The following RASA2 variants were observed in gnomAD, a reference collection of about 807,000 sequenced individuals.
RASA2 encodes ras GTPase-activating protein 2.
RASA2 carries 155 observed loss-of-function variants against 118.2 expected under a neutral mutation model. That is an observed-to-expected ratio of 1.31 (90% confidence interval 1.15 to 1.50). The LOEUF (loss-of-function observed/expected upper bound fraction) is 1.50. Among genes scored for constraint, RASA2 ranks in the 40% most tolerant of loss-of-function variants. The pLI, the probability that RASA2 is intolerant of heterozygous loss-of-function variation, is 0.00. For missense variants in RASA2, 1,016 were observed against 1,009.6 expected, an observed-to-expected ratio of 1.01 and a Z score of -0.09; for synonymous variants, 353 against 349.1, an observed-to-expected ratio of 1.01 and a Z score of -0.12.
chr3:141,563,750 T>G (rs894623294), intron 9 of RASA2, among the ~76,000 whole-genome samples: 14 of 152,212 alleles, frequency 9.2e-5, no homozygotes, highest in African/African-American at 3.4e-4. Context: ...CCAAACTGTT[T>G]GACCCCAAAG....
At chr3:141,531,412 A>G (rs2082257199) in intron 4 of RASA2, among the ~76,000 whole-genome samples, 1 of 151,612 alleles carries the variant, frequency 6.6e-6, no homozygotes, top group South Asian at 2.1e-4. Flanking sequence ...GTGTGTGTGT[A>G]TATATATGTG....
chr3:141,568,282 C>T (rs780424156), intron 9 of RASA2, among the ~76,000 whole-genome samples: 8 of 151,912 alleles, frequency 5.3e-5, no homozygotes, highest in Admixed American at 5.2e-4. Context: ...AAACAAGATA[C>T]AGGAGAGTAG....
intron 14 of RASA2, 85 bp from the exon 15 acceptor site, chr3:141,576,915 A>T: frequency 1.2e-6 from 1 of 829,724 alleles, no homozygotes; most frequent in Non-Finnish European, 1.9e-6. Context: ...CTCCTAGTTT[A>T]CATGTCTTTT....
At chr3:141,554,135 G>T (rs2082613917) in intron 6 of RASA2, among the ~76,000 whole-genome samples, 195 bp downstream of exon 6, 1 of 152,076 alleles carries the variant, frequency 6.6e-6, no homozygotes. Context: ...GACAGAAATT[G>T]GTACCCCATT....
At chr3:141,603,594 T>G (rs974556108) in intron 19 of RASA2, among the ~76,000 whole-genome samples, 2 of 151,982 alleles carry the variant, frequency 1.3e-5, no homozygotes, top group African/African-American at 4.8e-5. Flanking sequence ...AAAATAAAAT[T>G]TAGATATAAT....
At chr3:141,506,982 T>G (rs997483840) in intron 1 of RASA2, among the ~76,000 whole-genome samples, 1 of 151,754 alleles carries the variant, frequency 6.6e-6, no homozygotes, top group African/African-American at 2.4e-5. Flanking sequence ...ATATGAATAC[T>G]GTATTATTGA....
chr3:141,606,200 C>T (rs1374638365), intron 19 of RASA2, among the ~76,000 whole-genome samples: 1 of 152,180 alleles, frequency 6.6e-6, no homozygotes, highest in East Asian at 1.9e-4. Flanking sequence ...TCTTATTGTA[C>T]ATCTGGCTTA....
chr3:141,564,774 G>C (rs1339582664), intron 9 of RASA2, among the ~76,000 whole-genome samples: 5 of 152,182 alleles, frequency 3.3e-5, no homozygotes, highest in Non-Finnish European at 7.3e-5. Flanking sequence ...GCACATGGGG[G>C]TGGTGGTAAG....
In RASA2 at chr3:141,559,955, C is replaced by G. The variant is rs750474632; in HGVS notation, c.823C>G (p.Pro275Ala). The change falls in exon 9 of 24, where the codon CCT (proline) becomes GCT (alanine). Residue 275 changes from proline to alanine, a missense_variant. By Grantham distance (27) the Pro-to-Ala change is conservative. Coordinates refer to ENST00000286364, the MANE Select transcript of RASA2 (RefSeq NM_006506.5). ...QDVFLGEIKVPVNVLRTDSSH... is the reference protein window; with the variant it reads ...QDVFLGEIKVAVNVLRTDSSH... ...TGTTTTCCTAGGTGAGATTAAGGTT[C>G]CTGTGAACGTATTAAGAACTGATTC... 1.2e-6 allele frequency: 2 copies of G among 1,613,210 alleles called. No individual in the cohort carries two copies. Among genetic ancestry groups the G allele is most frequent in the Admixed American group, 3.3e-5 (2 of 59,996 alleles).
At chr3:141,492,757 T>C (rs1559986502) in intron 1 of RASA2, among the ~76,000 whole-genome samples, 2 of 152,242 alleles carry the variant, frequency 1.3e-5, no homozygotes, top group African/African-American at 4.8e-5. Context: ...ATTCACTGTT[T>C]TAAAAATATT....
intron 1 of RASA2, among the ~76,000 whole-genome samples, chr3:141,500,604 C>T (rs1298842496): frequency 6.6e-6 from 1 of 152,158 alleles, no homozygotes; most frequent in Non-Finnish European, 1.5e-5. Context: ...GGTATACTGC[C>T]TGGCATTTTG....
rs550041458 is a variant in RASA2, at chr3:141,595,338, A to G, written c.1933+8586A>G. 3.7e-4 allele frequency among the ~76,000 whole-genome samples: 56 copies of G among 152,366 alleles called. 1 individual carries two copies. The South Asian group carries it at 0.011, about 29-fold the overall frequency. ...ACTATATTTTAAAAAGCAAGATCCA[A>G]TAATATACTTTCTACAATATATCCA... On this transcript the variant is annotated intron_variant, in intron 19 of 23. Coordinates refer to ENST00000286364, the MANE Select transcript of RASA2 (RefSeq NM_006506.5).
At chr3:141,569,438 A>T (rs975808742) in intron 9 of RASA2, among the ~76,000 whole-genome samples, 6 of 152,210 alleles carry the variant, frequency 3.9e-5, no homozygotes, top group Non-Finnish European at 8.8e-5. Flanking sequence ...TTGCCAACTT[A>T]GGCTACTTTA....
intron 9 of RASA2, 68 bp downstream of exon 9, chr3:141,560,063 A>C: frequency 8.2e-7 from 1 of 1,215,606 alleles, no homozygotes; most frequent in Non-Finnish European, 1.2e-6. Context: ...ATATGCAAAT[A>C]AATGCTTACT....
At position 141,553,611 on chromosome 3, in the gene RASA2, T is replaced by C. The variant is rs112609346; in HGVS notation, c.528-246T>C. On this transcript the variant is annotated intron_variant, in intron 5 of 23. Coordinates refer to ENST00000286364, the MANE Select transcript of RASA2 (RefSeq NM_006506.5). Reference sequence around the variant, plus strand: ...AATGCTCAGTCTGTGTTTGATAGTTTCATTAGTGATTGTGGCATTCCTGTT... The same window carrying C: ...AATGCTCAGTCTGTGTTTGATAGTTCCATTAGTGATTGTGGCATTCCTGTT... Among the ~76,000 whole-genome samples, 1,307 of 152,300 alleles carry C rather than the reference T, an allele frequency of 8.6e-3. 21 individuals are homozygous for C. The highest frequency in any genetic ancestry group is 0.025 in the African/African-American group (1,052 of 41,574).
rs1353085625 is a variant in RASA2 at position 141,487,225 on chromosome 3, G to A, written c.133+9G>A. 1.4e-6 allele frequency: 2 copies of A among 1,389,742 alleles called. No homozygotes were observed. Among genetic ancestry groups the A allele is most frequent in the East Asian group, 3.0e-5 (1 of 33,016 alleles). The allele number at this position is 1,389,742 out of a possible 1,614,324, so 86.1% of individuals were successfully genotyped here. ...CCTGCGGGGCAAGATCTGTAAGCGG[G>A]GGCTGGGCTGAGGGGACGCCCTGGC... On this transcript the variant is annotated intron_variant, in intron 1 of 23. Coordinates refer to ENST00000286364, the MANE Select transcript of RASA2 (RefSeq NM_006506.5).
At chr3:141,517,137 T>G (rs930162016) in intron 3 of RASA2, among the ~76,000 whole-genome samples, 12 of 152,342 alleles carry the variant, frequency 7.9e-5, no homozygotes, top group Admixed American at 5.9e-4. Flanking sequence ...TGTTTAGTGG[T>G]TCAAATAATG....
At chr3:141,602,078 G>T (rs758975622) in intron 19 of RASA2, among the ~76,000 whole-genome samples, 1 of 152,156 alleles carries the variant, frequency 6.6e-6, no homozygotes, top group Non-Finnish European at 1.5e-5. Context: ...CTGCTTTGAA[G>T]TCTTAGGCTG....
At position 141,602,344 on chromosome 3, in the gene RASA2, C is replaced by T. The variant is rs545804972; in HGVS notation, c.1934-5334C>T. ...CTCAGATCATCAGGCATTAGATTCT[C>T]ATAAGGAGTGCACAACCTAGATCTG... On this transcript the variant is annotated intron_variant, in intron 19 of 23. Coordinates refer to ENST00000286364, the MANE Select transcript of RASA2 (RefSeq NM_006506.5). Among the ~76,000 whole-genome samples the T allele has an allele frequency of 2.0e-5, 3 of 152,318 alleles. No homozygotes were observed. The South Asian group carries it at 6.2e-4, about 32-fold the overall frequency.
Sources: allele counts gnomAD v4.1 joint callset (sites outside exome capture counted in the v4.1 genomes callset), GRCh38; gene constraint gnomAD v4.1.1; transcripts MANE v1.5; gene names NCBI Gene and HGNC (gene_info 2026-07-23, HGNC 2026-07-21).